The following GASK1A variants were observed in gnomAD, a reference collection of about 807,000 sequenced individuals.
GASK1A encodes the protein golgi associated kinase 1A.
Under a neutral mutation model 41.2 loss-of-function variants are expected in GASK1A, and 40 were observed. The observed-to-expected ratio is 0.97, with a 90% confidence interval of 0.75 to 1.27. The LOEUF (loss-of-function observed/expected upper bound fraction) is 1.27. GASK1A is among the 50% of genes most tolerant of loss of function. GASK1A has a pLI of 0.00. For synonymous variants in GASK1A, 316 were observed against 307.1 expected (o/e 1.03, Z -0.30); for missense variants, 678 against 745.1 (o/e 0.91, Z 1.05).
intron 2 of GASK1A, among the ~76,000 whole-genome samples, chr3:43,042,220 G>C (rs1191191484): frequency 6.6e-6 from 1 of 151,508 alleles, no homozygotes; most frequent in Non-Finnish European, 1.5e-5. Context: ...TGTAATCCCA[G>C]CAGTTTGAGT....
intron 2 of GASK1A, among the ~76,000 whole-genome samples, chr3:43,046,057 A>AATTGGTACC (rs1156271889): frequency 1.3e-5 from 2 of 152,202 alleles, no homozygotes; most frequent in Non-Finnish European, 2.9e-5. Context: ...TAATACAGTA[A>AATTGGTACC]ATTGGTACCA....
chr3:43,044,533 C>T (rs1185048989), intron 2 of GASK1A, among the ~76,000 whole-genome samples: 1 of 152,148 alleles, frequency 6.6e-6, no homozygotes, highest in Non-Finnish European at 1.5e-5. Flanking sequence ...ATCACCTCCC[C>T]ATTTTGTTGA....
intron 1 of GASK1A, among the ~76,000 whole-genome samples, chr3:43,031,607 G>A (rs748855049): frequency 7.6e-4 from 115 of 152,208 alleles, no homozygotes; most frequent in Non-Finnish European, 2.8e-4. Context: ...CTGCCCCTAG[G>A]GTGTGTCCTT....
intron 1 of GASK1A, among the ~76,000 whole-genome samples, chr3:43,015,283 A>G (rs1301151759): frequency 2.0e-5 from 3 of 149,632 alleles, no homozygotes; most frequent in Admixed American, 6.6e-5. Context: ...GTGGGAAGCC[A>G]CAGGAAGGGG....
intron 1 of GASK1A, among the ~76,000 whole-genome samples, chr3:43,020,861 T>A (rs985794030): frequency 6.6e-6 from 1 of 152,198 alleles, no homozygotes; most frequent in East Asian, 1.9e-4. Flanking sequence ...GTGTATGTTA[T>A]ATCCACTCAT....
chr3:43,031,970 A>G (rs896956033), intron 1 of GASK1A, among the ~76,000 whole-genome samples: 1 of 152,212 alleles, frequency 6.6e-6, no homozygotes, highest in African/African-American at 2.4e-5. Flanking sequence ...TTGCATGGTG[A>G]CAGTGTTGTA....
chr3:43,030,323 A>C (rs697327), intron 1 of GASK1A, among the ~76,000 whole-genome samples: 61,944 of 152,118 alleles, frequency 0.41, 13,030 homozygotes, highest in East Asian at 0.62. Context: ...TGCTCTTTTA[A>C]TTGTAGAGGA....
At chr3:43,047,147 C>T (rs904969391) in intron 2 of GASK1A, among the ~76,000 whole-genome samples, 16 of 152,298 alleles carry the variant, frequency 1.1e-4, no homozygotes, top group African/African-American at 3.6e-4. Context: ...TCCTCCAGAC[C>T]CCAGAATGGT....
intron 2 of GASK1A, among the ~76,000 whole-genome samples, chr3:43,042,833 T>C (rs2089644669): frequency 6.6e-6 from 1 of 152,214 alleles, no homozygotes; most frequent in African/African-American, 2.4e-5. Flanking sequence ...CTGAGGCTTC[T>C]GGCCCTGGGC....
Position 43,056,596 on chromosome 3 carries a change from C to T in GASK1A, c.*210C>T. The T allele has an allele frequency of 2.0e-6, 1 of 511,816 alleles. No individual in the cohort carries two copies. The highest frequency in any genetic ancestry group is 3.5e-6 in the Non-Finnish European group (1 of 285,850). 31.7% of individuals were successfully genotyped at this position (511,816 alleles called of 1,614,324 possible). A position where few individuals can be genotyped will look rare whatever the true frequency, so the allele number is the denominator to read the frequency against. ...CCTTCTCGGCTCTGGCTATTTATTC[C>T]CTTGCACCAACAAATACATTCGAAA... is the stretch of plus-strand genomic sequence containing the variant. On this transcript the variant is annotated 3_prime_UTR_variant, in exon 5 of 5. Transcript: ENST00000430121.
At chr3:43,052,693 C>T (rs1166163583) in intron 2 of GASK1A, among the ~76,000 whole-genome samples, 3 of 152,146 alleles carry the variant, frequency 2.0e-5, no homozygotes, top group Non-Finnish European at 2.9e-5. Flanking sequence ...GTCTTTCTCC[C>T]CACAGCAAGC....
chr3:43,040,127 T>C lies in GASK1A; in HGVS notation c.1290+6574T>C, dbSNP rs147142655. Among the ~76,000 whole-genome samples the C allele has an allele frequency of 2.6e-3, 390 of 152,358 alleles. 1 individual carries two copies. Among genetic ancestry groups the C allele is most frequent in the African/African-American group, 8.8e-3 (365 of 41,584 alleles). ...GCGTTATTTTTAAAATTCTCTCCTG[T>C]TTTTGATATATCTTTGATCCATCTG... is the stretch of plus-strand genomic sequence containing the variant. On this transcript the variant is annotated intron_variant, in intron 2 of 4. Coordinates refer to ENST00000430121, the MANE Select transcript of GASK1A (RefSeq NM_001129908.3).
At chr3:42,990,181 T>TAG (rs1209332701) in intron 1 of GASK1A, among the ~76,000 whole-genome samples, 1 of 151,726 alleles carries the variant, frequency 6.6e-6, no homozygotes, top group Non-Finnish European at 1.5e-5. Context: ...TAAACTTATG[T>TAG]AGAGAGAGAC....
At chr3:43,043,774 G>A (rs906493724) in intron 2 of GASK1A, among the ~76,000 whole-genome samples, 3 of 152,032 alleles carry the variant, frequency 2.0e-5, no homozygotes, top group Non-Finnish European at 4.4e-5. Flanking sequence ...AAACTCTAAA[G>A]GATTATCATT....
At chr3:43,002,838 G>A (rs1208137437) in intron 1 of GASK1A, among the ~76,000 whole-genome samples, 1 of 151,940 alleles carries the variant, frequency 6.6e-6, no homozygotes, top group African/African-American at 2.4e-5. Context: ...CTATTGGTTG[G>A]CTCTGAGTGA....
chr3:43,053,322 C>G (rs1416686927), intron 2 of GASK1A, among the ~76,000 whole-genome samples, 199 bp from the exon 3 acceptor site: 8 of 152,194 alleles, frequency 5.3e-5, no homozygotes. Flanking sequence ...GCAAACAGCT[C>G]CTGGTGCGCA....
chr3:43,054,950 C>T (rs187666566), intron 3 of GASK1A, among the ~76,000 whole-genome samples: 34 of 152,254 alleles, frequency 2.2e-4, no homozygotes, highest in African/African-American at 7.7e-4. Context: ...AGCACATGTG[C>T]GATGCCCCTC....
chr3:43,037,034 G>C lies in GASK1A; in HGVS notation c.1290+3481G>C, dbSNP rs533485358. 71 of 479,692 alleles carry C rather than the reference G, an allele frequency of 1.5e-4. No homozygotes were observed. In the South Asian group the frequency reaches 2.2e-3, roughly 15 times the overall value. The allele number at this position is 479,692 out of a possible 1,614,324, so 29.7% of individuals were successfully genotyped here. A position where few individuals can be genotyped will look rare whatever the true frequency, so the allele number is the denominator to read the frequency against. On this transcript the variant is annotated intron_variant, in intron 2 of 4. Coordinates refer to ENST00000430121, the MANE Select transcript of GASK1A (RefSeq NM_001129908.3). ...ATAGAAGACTAACACATGAGGCAAG[G>C]GTGGTTTCCAAGGTGTGAAAAATTA...
chr3:42,991,660 C>G (rs704918), intron 1 of GASK1A, among the ~76,000 whole-genome samples: 77,468 of 152,066 alleles, frequency 0.51, 20,712 homozygotes, highest in East Asian at 0.76. Flanking sequence ...GGTGCCTGGG[C>G]CCAGCGGAGG....
Sources: allele counts gnomAD v4.1 joint callset (sites outside exome capture counted in the v4.1 genomes callset), GRCh38; gene constraint gnomAD v4.1.1; transcripts MANE v1.5; gene names NCBI Gene and HGNC (gene_info 2026-07-23, HGNC 2026-07-21).